The following XPO1 variants were observed in gnomAD, a reference collection of about 807,000 sequenced individuals.
XPO1 encodes exportin 1.
In XPO1, 5 loss-of-function variants were observed where a neutral mutation model predicts 133.3. The ratio of observed to expected loss-of-function variants is 0.04; its 90% CI spans 0.02 to 0.08. The LOEUF is 0.08. Ranked by LOEUF, XPO1 falls within the 10% of genes least tolerant of loss-of-function variation. The probability of loss-of-function intolerance (pLI) is 1.00; values close to 1 mark genes in which losing one functional copy is unlikely to be tolerated. For missense variants in XPO1, 506 were observed against 1,267.5 expected (o/e 0.40, Z 9.12); for synonymous variants, 419 against 408.2 (o/e 1.03, Z -0.32).
intron 6 of XPO1, among the ~76,000 whole-genome samples, chr2:61,501,692 C>A (rs1452760872): frequency 1.4e-5 from 2 of 143,126 alleles, no homozygotes; most frequent in Non-Finnish European, 3.0e-5. Context: ...CACTGCACTC[C>A]AGCCTGGGCA....
intron 12 of XPO1, 188 bp downstream of exon 12, chr2:61,493,706 G>T: frequency 3.2e-6 from 2 of 623,708 alleles, no homozygotes; most frequent in East Asian, 2.9e-5. Context: ...ACTGAGAGAA[G>T]GACCACACTC....
chr2:61,525,205 C>T (rs2104773442), intron 3 of XPO1: 1 of 936,446 alleles, frequency 1.1e-6, no homozygotes, highest in South Asian at 4.9e-5. Context: ...TTTCCCCTCC[C>T]ACCGCCCATG....
At position 61,492,496 on chromosome 2, in the gene XPO1, A is replaced by C. The variant is rs1573129009; in HGVS notation, c.1567-15T>G. The C allele has an allele frequency of 6.3e-7, 1 of 1,587,366 alleles. No individual in the cohort carries two copies. The highest frequency in any genetic ancestry group is 1.2e-5 in the South Asian group (1 of 85,896). On this transcript the variant is annotated splice_polypyrimidine_tract_variant and intron_variant, in intron 14 of 24. Coordinates refer to ENST00000401558, the MANE Select transcript of XPO1 (RefSeq NM_003400.4). The surrounding 1 kb of genome is among the most constrained non-coding windows in gnomAD (Gnocchi z 5.6). ...CCTAATAGATCCTGTAAATAAGACA[A>C]ATTTGTATTATTTATTGTAACAACA...
intron 12 of XPO1, chr2:61,493,464 G>A (rs1021548134): frequency 4.2e-5 from 8 of 192,550 alleles, no homozygotes; most frequent in Admixed American, 5.6e-5. Flanking sequence ...CTATGACCAC[G>A]CCACTGCACT....
In XPO1 at chr2:61,498,780, T is replaced by G; in HGVS notation, c.652A>C (p.Asn218His). ...LCQFVMENSQNAPLVHATLET... is the reference protein window; with the variant it reads ...LCQFVMENSQHAPLVHATLET... Reference sequence around the variant, plus strand: ...AAGGTTGCATGTACAAGTGGAGCATTTTGAGAATTTTCCTATAACAAAACA... The same window carrying G: ...AAGGTTGCATGTACAAGTGGAGCATGTTGAGAATTTTCCTATAACAAAACA... Residue 218 changes from asparagine (N) to histidine (H), a missense_variant, in exon 9 of 25, where the codon AAT (asparagine) becomes CAT (histidine). By Grantham distance (68) the Asn-to-His change is moderately conservative. Coordinates refer to ENST00000401558, the MANE Select transcript of XPO1 (RefSeq NM_003400.4). 6.2e-7 allele frequency: 1 copy of G among 1,613,722 alleles called. No individual in the cohort carries two copies. Among genetic ancestry groups the G allele is most frequent in the Non-Finnish European group, 8.5e-7 (1 of 1,179,904 alleles).
chr2:61,508,182 T>A (rs1697918684), intron 4 of XPO1, among the ~76,000 whole-genome samples: 2 of 152,112 alleles, frequency 1.3e-5, no homozygotes, highest in Non-Finnish European at 2.9e-5. Context: ...GCCAACATAG[T>A]GAAACTCTAT....
intron 20 of XPO1, chr2:61,484,793 T>A (rs533909144): frequency 6.6e-6 from 1 of 152,502 alleles, no homozygotes; most frequent in South Asian, 2.1e-4. Context: ...CACACCCGGA[T>A]AATTTTTTGT....
chr2:61,498,634 GC>G (rs1206017632), intron 9 of XPO1, 38 bp downstream of exon 9: 6 of 1,607,968 alleles, frequency 3.7e-6, no homozygotes, highest in Non-Finnish European at 5.1e-6. Context: ...AATATATGTG[GC>G]TATCCGGTGA....
At chr2:61,519,927 C>A (rs1698607090) in intron 4 of XPO1, among the ~76,000 whole-genome samples, 1 of 152,076 alleles carries the variant, frequency 6.6e-6, no homozygotes. Context: ...TCATTCTGTT[C>A]TTTTAGCTTG....
At chr2:61,514,283 GAAC>G (rs1302813171) in intron 4 of XPO1, among the ~76,000 whole-genome samples, 4 of 151,536 alleles carry the variant, frequency 2.6e-5, no homozygotes, top group African/African-American at 4.9e-5. Context: ...ATGGAACACA[GAAC>G]AACACTACTC....
intron 16 of XPO1, among the ~76,000 whole-genome samples, chr2:61,491,154 A>C (rs562364329): frequency 1.4e-5 from 2 of 147,152 alleles, no homozygotes; most frequent in Non-Finnish European, 2.9e-5. Context: ...ACCTCAAAAA[A>C]CAAACAAACA....
chr2:61,491,459 A>ACACACACACACAC (rs1696983059), intron 16 of XPO1, among the ~76,000 whole-genome samples: 5 of 143,010 alleles, frequency 3.5e-5, no homozygotes, highest in Admixed American at 2.1e-4. Flanking sequence ...TCAAAAAACA[A>ACACACACACACAC]ACACACACAC....
In XPO1 at chr2:61,484,231, G is replaced by A. The variant is rs1000122059; in HGVS notation, c.2509-126C>T. On this transcript the variant is annotated intron_variant, in intron 20 of 24. Transcript: ENST00000401558. ...TTCAATAAACCACAGAAGATAGAAT[G>A]CCTCCTGAAAGGTAAACCCAAGTAA... The A allele has an allele frequency of 3.8e-6, 3 of 787,294 alleles. No homozygotes were observed. The Admixed American group carries it at 9.4e-5, about 25-fold the overall frequency. The allele number at this position is 787,294 out of a possible 1,614,324, so 48.8% of individuals were successfully genotyped here.
At chr2:61,507,458 T>C (rs1405924332) in intron 4 of XPO1, among the ~76,000 whole-genome samples, 1 of 151,864 alleles carries the variant, frequency 6.6e-6, no homozygotes. Context: ...CCTATACTCC[T>C]AGCTACTTGG....
intron 3 of XPO1, chr2:61,526,045 AC>A (rs1218751317): frequency 9.3e-7 from 1 of 1,076,942 alleles, no homozygotes; most frequent in East Asian, 5.1e-5. Flanking sequence ...TGTCCACACA[AC>A]TTGGTGTCAG....
Position 61,502,393 on chromosome 2 carries a change from G to T in XPO1, c.302-83C>A. The T allele has an allele frequency of 5.5e-6, 7 of 1,276,152 alleles. No homozygotes were observed. In the South Asian group the frequency reaches 6.5e-5, roughly 12 times the overall value. 79.1% of individuals were successfully genotyped at this position (1,276,152 alleles called of 1,614,324 possible). On this transcript the variant is annotated intron_variant, in intron 4 of 24. Transcript: ENST00000401558. ...TAAATTTTGAGAACTAATTAATGTGGGAATGGAAAGACTAAGTAAAATCAG... is the reference window on the plus strand; with the variant it reads ...TAAATTTTGAGAACTAATTAATGTGTGAATGGAAAGACTAAGTAAAATCAG...
In XPO1 at chr2:61,495,567, T is replaced by C. The variant is rs1287180593; in HGVS notation, c.935A>G (p.Lys312Arg). ...TNIRLAYSNGKDDEQNFIQNL... is the reference protein window; with the variant it reads ...TNIRLAYSNGRDDEQNFIQNL... ...TTGAATGAAGTTCTGTTCATCATCT[T>C]TTCCATTTGAGTACGCAAGTCGAAT... Residue 312 changes from lysine (K) to arginine (R), a missense_variant, in exon 11 of 25, where the codon AAA (lysine) becomes AGA (arginine). Lys to Arg is a conservative substitution (Grantham distance 26). Coordinates refer to ENST00000401558, the MANE Select transcript of XPO1 (RefSeq NM_003400.4). 8 of 1,588,866 alleles carry C rather than the reference T, an allele frequency of 5.0e-6. No homozygotes were observed. Among genetic ancestry groups the C allele is most frequent in the South Asian group, 1.1e-5 (1 of 87,412 alleles).
At chr2:61,503,928 C>T (rs146672960) in intron 4 of XPO1, among the ~76,000 whole-genome samples, 101 of 152,230 alleles carry the variant, frequency 6.6e-4, no homozygotes, top group East Asian at 1.4e-3. Context: ...TCCTGTAATC[C>T]CAGCACTTTG....
intron 4 of XPO1, among the ~76,000 whole-genome samples, chr2:61,516,139 A>T (rs1382431099): frequency 7.6e-5 from 11 of 144,956 alleles, no homozygotes; most frequent in African/African-American, 2.8e-4. Context: ...ATTAAAAAAA[A>T]ACAAAACAAA....
Sources: allele counts gnomAD v4.1 joint callset (sites outside exome capture counted in the v4.1 genomes callset), GRCh38; gene constraint gnomAD v4.1.1; non-coding constraint Gnocchi (gnomAD v3.1); transcripts MANE v1.5; gene names NCBI Gene and HGNC (gene_info 2026-07-23, HGNC 2026-07-21).